Variants in TTLL5 observed in about 807,000 individuals in gnomAD.
TTLL5 encodes the protein tubulin polyglutamylase TTLL5.
In TTLL5, 132 loss-of-function variants were observed where a neutral mutation model predicts 168.4. The observed-to-expected ratio is 0.78, with a 90% confidence interval of 0.68 to 0.91. The LOEUF is 0.91. Ranked by LOEUF, TTLL5 falls within the 40% of genes least tolerant of loss-of-function variation. The pLI, the probability that TTLL5 is intolerant of heterozygous loss-of-function variation, is 0.00. For missense variants in TTLL5, 1,545 were observed against 1,581.5 expected (o/e 0.98, Z 0.39); for synonymous variants, 546 against 558.6 (o/e 0.98, Z 0.32).
intron 6 of TTLL5, 148 bp from the exon 7 acceptor site, chr14:75,699,040 T>TTGCCTTAA: frequency 1.5e-6 from 1 of 661,886 alleles, no homozygotes; most frequent in Non-Finnish European, 2.6e-6. Context: ...AAAATACAGG[T>TTGCCTTAA]AATTTTAGTT....
chr14:75,707,628 A>T lies in TTLL5; in HGVS notation c.661A>T (p.Lys221Ter). The change falls in exon 9 of 32, where the codon AAG (lysine) becomes TAG (stop). Residue 221 changes from lysine to a stop codon, truncating the protein, a stop_gained. Coordinates refer to ENST00000298832, the MANE Select transcript of TTLL5 (RefSeq NM_015072.5). LOFTEE classifies it high-confidence loss of function. Reference protein sequence around the residue: ...INNPLLIDDFKFDVRLYVLVT... With the variant: ...INNPLLIDDF The stretch of plus-strand genomic sequence containing the variant: ...TACAAACTTTTTTTTTTTAGATTTC[A>T]AGTTTGACGTGCGCCTCTATGTGCT... The T allele has an allele frequency of 6.2e-7, 1 of 1,607,572 alleles. No homozygotes were observed. The highest frequency in any genetic ancestry group is 8.5e-7 in the Non-Finnish European group (1 of 1,177,980).
At chr14:75,681,382 C>G (rs906210716) in intron 3 of TTLL5, among the ~76,000 whole-genome samples, 163 bp from the exon 4 acceptor site, 1 of 152,122 alleles carries the variant, frequency 6.6e-6, no homozygotes, top group African/African-American at 2.4e-5. Context: ...TCCAAAGAGT[C>G]TCATTTTAAG....
At chr14:75,719,296 A>G (rs1030044353) in intron 10 of TTLL5, among the ~76,000 whole-genome samples, 2 of 152,244 alleles carry the variant, frequency 1.3e-5, no homozygotes, top group Admixed American at 6.5e-5. Context: ...ATGCTGCACC[A>G]GAATAACTCA....
chr14:75,734,707 A>G (rs1888776026), intron 14 of TTLL5, among the ~76,000 whole-genome samples: 1 of 152,252 alleles, frequency 6.6e-6, no homozygotes, highest in East Asian at 1.9e-4. Context: ...CCAAAGCCAT[A>G]GATAATCTAC....
chr14:75,676,954 G>A (rs1257049420), intron 3 of TTLL5, among the ~76,000 whole-genome samples: 1 of 151,636 alleles, frequency 6.6e-6, no homozygotes, highest in East Asian at 1.9e-4. Flanking sequence ...TTAAATTTTT[G>A]TAGAGACAGG....
intron 18 of TTLL5, among the ~76,000 whole-genome samples, chr14:75,762,787 T>G (rs1231278721): frequency 1.3e-5 from 2 of 152,206 alleles, no homozygotes; most frequent in Non-Finnish European, 2.9e-5. Context: ...AGAAGTTTAT[T>G]TTTTGAGTTT....
chr14:75,890,571 AAAG>A (rs780177958), intron 30 of TTLL5, among the ~76,000 whole-genome samples: 7 of 152,216 alleles, frequency 4.6e-5, no homozygotes, highest in Non-Finnish European at 8.8e-5. Context: ...TCTTGAAGAA[AAAG>A]AAGATTTAAC....
intron 29 of TTLL5, among the ~76,000 whole-genome samples, chr14:75,868,156 C>A (rs1367078267): frequency 6.6e-6 from 1 of 152,158 alleles, no homozygotes; most frequent in African/African-American, 2.4e-5. Flanking sequence ...TGTTAAACTT[C>A]TGCTCCCAAC....
intron 12 of TTLL5, among the ~76,000 whole-genome samples, chr14:75,731,051 C>A (rs1259674319): frequency 6.6e-6 from 1 of 152,146 alleles, no homozygotes; most frequent in Non-Finnish European, 1.5e-5. Flanking sequence ...CATGTAACTT[C>A]AGACTCCCTG....
intron 31 of TTLL5, among the ~76,000 whole-genome samples, chr14:75,914,033 A>AAAAAAATATATATATAT: frequency 4.2e-5 from 3 of 71,100 alleles, no homozygotes; most frequent in African/African-American, 3.1e-4. Context: ...AAAAAAAAAA[A>AAAAAAATATATATATAT]ATATATATAT....
rs532085653 is a variant in TTLL5, at chr14:75,796,916, T to A, written c.3171+3816T>A. Among the ~76,000 whole-genome samples the A allele has an allele frequency of 3.3e-5, 5 of 152,308 alleles. No homozygotes were observed. In the South Asian group the frequency reaches 8.3e-4, roughly 25 times the overall value. On this transcript the variant is annotated intron_variant, in intron 27 of 31. Coordinates refer to ENST00000298832, the MANE Select transcript of TTLL5 (RefSeq NM_015072.5). Reference sequence around the variant, plus strand: ...TGTGTTTTGGCTATGCAGGCTCTTTTTTGGTTCCATATGAATTTCAGGATT... The same window carrying A: ...TGTGTTTTGGCTATGCAGGCTCTTTATTGGTTCCATATGAATTTCAGGATT...
At chr14:75,897,868 C>A (rs186755652) in intron 30 of TTLL5, among the ~76,000 whole-genome samples, 8 of 152,328 alleles carry the variant, frequency 5.3e-5, no homozygotes, top group African/African-American at 1.4e-4. Flanking sequence ...TTCTTACTCT[C>A]AACCTTTCAC....
chr14:75,779,511 A>C (rs1891920637), intron 23 of TTLL5, 64 bp from the exon 24 acceptor site: 4 of 1,580,948 alleles, frequency 2.5e-6, no homozygotes, highest in Non-Finnish European at 3.4e-6. Context: ...TTCATAATAA[A>C]ATCTGGTGGA....
intron 20 of TTLL5, among the ~76,000 whole-genome samples, chr14:75,770,778 C>T (rs1891259051): frequency 6.6e-6 from 1 of 152,208 alleles, no homozygotes; most frequent in South Asian, 2.1e-4. Flanking sequence ...ATTTCTTTCG[C>T]CCACTGAACA....
intron 28 of TTLL5, among the ~76,000 whole-genome samples, chr14:75,827,701 T>C (rs1262902706): frequency 7.0e-6 from 1 of 142,056 alleles, no homozygotes; most frequent in African/African-American, 2.6e-5. Flanking sequence ...CACATTTGGC[T>C]TGGTTCTTTT....
At chr14:75,773,198 T>C (rs140370378) in intron 21 of TTLL5, among the ~76,000 whole-genome samples, 2 of 152,358 alleles carry the variant, frequency 1.3e-5, no homozygotes, top group East Asian at 3.9e-4. Context: ...ACCTTGTGTG[T>C]TGTGAATAAT....
At chr14:75,737,956 T>G (rs545078808) in intron 15 of TTLL5, among the ~76,000 whole-genome samples, 1 of 152,292 alleles carries the variant, frequency 6.6e-6, no homozygotes, top group South Asian at 2.1e-4. Context: ...ATTTTTTTTT[T>G]CAGACATCTT....
Position 75,745,136 on chromosome 14 carries a change from C to A in TTLL5, c.1323C>A (p.Asn441Lys), listed in dbSNP as rs1033077006. ...CTGCCAGTGATGCGGAAATGAAAAA[C>A]CTCGTGGGCTCAGCCCGGGAGAAAG... ...PLSASDAEMK[N>K]LVGSAREKGP... Residue 441 changes from asparagine to lysine, a missense_variant, in exon 16 of 32, where the codon AAC (asparagine) becomes AAA (lysine). Transcript: ENST00000298832. 1.2e-6 allele frequency: 2 copies of A among 1,613,830 alleles called. No homozygotes were observed. The highest frequency in any genetic ancestry group is 1.7e-6 in the Non-Finnish European group (2 of 1,179,890).
intron 8 of TTLL5, 27 bp from the exon 9 acceptor site, chr14:75,707,596 T>G (rs1038633757): frequency 1.9e-6 from 3 of 1,599,716 alleles, no homozygotes; most frequent in African/African-American, 1.3e-5. Context: ...TAGTTTTTTT[T>G]TGTGAATACA....
Sources: allele counts gnomAD v4.1 joint callset (sites outside exome capture counted in the v4.1 genomes callset), GRCh38; gene constraint gnomAD v4.1.1; transcripts MANE v1.5; gene names NCBI Gene and HGNC (gene_info 2026-07-23, HGNC 2026-07-21).